The following CSMD1 variants were observed in gnomAD, a reference collection of about 807,000 sequenced individuals.
The protein encoded by CSMD1 is CUB and Sushi multiple domains 1.
In CSMD1, 213 loss-of-function variants were observed where a neutral mutation model predicts 417.5. That is an observed-to-expected ratio of 0.51 (90% CI 0.46 to 0.57). CSMD1 has a LOEUF of 0.57. Among genes scored for constraint, CSMD1 ranks in the 20% least tolerant of loss-of-function variants. The pLI is 0.00. For missense variants in CSMD1, 6,923 were observed against 4,529.7 expected (o/e 1.53, Z -15.17); for synonymous variants, 2,862 against 1,736.8 (o/e 1.65, Z -16.11).
chr8:4,078,739 T>C (rs1799961612), intron 3 of CSMD1, among the ~76,000 whole-genome samples: 1 of 151,050 alleles, frequency 6.6e-6, no homozygotes, highest in Middle Eastern at 3.5e-3. Context: ...AGGCAACCCT[T>C]GTATTTAAAT....
intron 3 of CSMD1, among the ~76,000 whole-genome samples, chr8:4,224,010 G>A (rs545223977): frequency 2.6e-5 from 4 of 152,114 alleles, no homozygotes; most frequent in South Asian, 2.1e-4. Flanking sequence ...ACCCAAACTC[G>A]TATCCCGGGT....
intron 2 of CSMD1, among the ~76,000 whole-genome samples, chr8:4,566,738 G>C (rs1798631098): frequency 6.6e-6 from 1 of 151,402 alleles, no homozygotes; most frequent in Non-Finnish European, 1.5e-5. Context: ...AAATATTTGA[G>C]GTGGAATGTG....
At chr8:4,313,536 C>A (rs1179941466) in intron 3 of CSMD1, among the ~76,000 whole-genome samples, 1 of 148,898 alleles carries the variant, frequency 6.7e-6, no homozygotes, top group African/African-American at 2.5e-5. Context: ...ACGCGTAGGT[C>A]ACATCAGGAG....
At chr8:3,882,716 G>C (rs952109144) in intron 5 of CSMD1, among the ~76,000 whole-genome samples, 4 of 152,192 alleles carry the variant, frequency 2.6e-5, no homozygotes, top group African/African-American at 7.2e-5. Context: ...CATTACAAAT[G>C]TGCACAACAA....
intron 1 of CSMD1, among the ~76,000 whole-genome samples, chr8:4,874,764 T>C (rs1179538451): frequency 6.6e-6 from 1 of 151,336 alleles, no homozygotes; most frequent in African/African-American, 2.4e-5. Context: ...ATATTTCATA[T>C]AGACAGAAAG....
At chr8:4,527,763 C>T (rs934554958) in intron 2 of CSMD1, among the ~76,000 whole-genome samples, 3 of 152,148 alleles carry the variant, frequency 2.0e-5, no homozygotes, top group Non-Finnish European at 2.9e-5. Flanking sequence ...ACACTACAAT[C>T]GTAGCTATTC....
chr8:4,007,604 C>G (rs190142988), intron 4 of CSMD1, among the ~76,000 whole-genome samples: 3 of 152,320 alleles, frequency 2.0e-5, no homozygotes, highest in African/African-American at 7.2e-5. Context: ...GGAATGCAAG[C>G]TTTATGAGCC....
chr8:4,053,536 C>G (rs530588578), intron 3 of CSMD1, among the ~76,000 whole-genome samples: 2 of 152,086 alleles, frequency 1.3e-5, no homozygotes, highest in Non-Finnish European at 2.9e-5. Context: ...TTTGTTATCT[C>G]AAGTGGTTTT....
chr8:3,836,873 G>C (rs962858884), intron 5 of CSMD1, among the ~76,000 whole-genome samples: 2 of 151,818 alleles, frequency 1.3e-5, no homozygotes, highest in African/African-American at 4.8e-5. Context: ...AATATAACTT[G>C]ACTAAAGCAG....
chr8:3,970,666 C>T (rs564430191), intron 5 of CSMD1, among the ~76,000 whole-genome samples: 3 of 152,290 alleles, frequency 2.0e-5, no homozygotes, highest in Admixed American at 6.5e-5. Context: ...TCAAGTAGCA[C>T]GTGGAACCTC....
intron 37 of CSMD1, among the ~76,000 whole-genome samples, chr8:3,162,960 A>G (rs542313636): frequency 6.6e-6 from 1 of 152,326 alleles, no homozygotes; most frequent in African/African-American, 2.4e-5. Context: ...AACGAATTCT[A>G]AAACACTGAA....
At chr8:3,607,199 C>A (rs1030425640) in intron 8 of CSMD1, among the ~76,000 whole-genome samples, 2 of 152,102 alleles carry the variant, frequency 1.3e-5, no homozygotes, top group Admixed American at 6.5e-5. Context: ...CTAGCCTAGG[C>A]CTGCACGACG....
intron 1 of CSMD1, among the ~76,000 whole-genome samples, chr8:4,900,284 T>C (rs540992878): frequency 3.3e-5 from 5 of 152,308 alleles, no homozygotes; most frequent in South Asian, 2.1e-4. Flanking sequence ...TGAATCAGTA[T>C]ATGCAACTCA....
At chr8:3,790,272 A>T (rs940904919) in intron 5 of CSMD1, among the ~76,000 whole-genome samples, 5 of 152,208 alleles carry the variant, frequency 3.3e-5, no homozygotes, top group African/African-American at 1.2e-4. Flanking sequence ...AAACGAAATA[A>T]CAGAAAACAA....
At chr8:4,511,366 T>C (rs1397062931) in intron 2 of CSMD1, among the ~76,000 whole-genome samples, 3 of 152,196 alleles carry the variant, frequency 2.0e-5, no homozygotes, top group African/African-American at 7.2e-5. Context: ...AGGCTTCTCC[T>C]TCGCAGGAGA....
chr8:4,315,058 G>C (rs116403309), intron 3 of CSMD1, among the ~76,000 whole-genome samples: 1 of 152,096 alleles, frequency 6.6e-6, no homozygotes, highest in African/African-American at 2.4e-5. Context: ...GCTTCCCACT[G>C]CCCCGACCAT....
At chr8:3,683,921 C>A (rs1034103817) in intron 7 of CSMD1, among the ~76,000 whole-genome samples, 3 of 151,814 alleles carry the variant, frequency 2.0e-5, no homozygotes, top group Non-Finnish European at 4.4e-5. Context: ...GACTGTTAGA[C>A]CACTAAGTTT....
chr8:3,719,815 G>A (rs1430147713), intron 6 of CSMD1, among the ~76,000 whole-genome samples: 2 of 152,154 alleles, frequency 1.3e-5, no homozygotes, highest in African/African-American at 4.8e-5. Context: ...ATCTTTAACA[G>A]GAAAAATCTC....
At chr8:4,824,768 T>A (rs1379079386) in intron 1 of CSMD1, among the ~76,000 whole-genome samples, 1 of 152,162 alleles carries the variant, frequency 6.6e-6, no homozygotes, top group African/African-American at 2.4e-5. Context: ...AGACAAAAGC[T>A]AACAAGAGTA....
Sources: gnomAD v4.1 joint callset for allele counts (sites outside exome capture counted in the v4.1 genomes callset) on GRCh38, gnomAD v4.1.1 for gene constraint, MANE v1.5 for transcripts, NCBI Gene and HGNC (gene_info 2026-07-23, HGNC 2026-07-21) for gene names.